The following CCN5 variants were observed in gnomAD, a reference collection of about 807,000 sequenced individuals.
The protein encoded by CCN5 is CCN family member 5.
Under a neutral mutation model 18.7 loss-of-function variants are expected in CCN5, and 17 were observed. That is an observed-to-expected ratio of 0.91 (90% CI 0.62 to 1.36). The LOEUF (loss-of-function observed/expected upper bound fraction) is 1.36, where lower values mean the gene tolerates loss of function less well. Among genes scored for constraint, CCN5 ranks in the 40% most tolerant of loss-of-function variants. CCN5 has a pLI of 0.00. For synonymous variants in CCN5, 135 were observed against 145.2 expected (o/e 0.93, Z 0.50); for missense variants, 367 against 342.9 (o/e 1.07, Z -0.56).
chr20:44,724,986 G>T lies in CCN5; in HGVS notation c.526G>T (p.Ala176Ser). 1 of 1,580,746 alleles carries T rather than the reference G, an allele frequency of 6.3e-7. No individual in the cohort carries two copies. The highest frequency in any genetic ancestry group is 8.6e-7 in the Non-Finnish European group (1 of 1,164,498). The change falls in exon 3 of 4, where the codon GCC becomes TCC. Residue 176 changes from alanine to serine, a missense_variant. Coordinates refer to ENST00000190983, the MANE Select transcript of CCN5 (RefSeq NM_003881.4). ...GGGLGTQPLP[A>S]QGPQFSGLVS... is the part of the protein sequence containing the mutation. Reference sequence around the variant, plus strand: ...GGGACTGGGGACCCAGCCCCTTCCAGCCCAAGGTGAGCGCAGCGGTGGTCC... The same window carrying T: ...GGGACTGGGGACCCAGCCCCTTCCATCCCAAGGTGAGCGCAGCGGTGGTCC...
Position 44,724,865 on chromosome 20 carries a change from C to T in CCN5, c.405C>T (p.Ser135=). The T allele has an allele frequency of 6.3e-7, 1 of 1,595,392 alleles. No homozygotes were observed. Among genetic ancestry groups the T allele is most frequent in the Non-Finnish European group, 8.5e-7 (1 of 1,172,122 alleles). ...GCTTCACCTGCGTGCCGCTGTGCAG[C>T]GAGGATGTGCGGCTGCCCAGCTGGG... ...DGGFTCVPLC[S]EDVRLPSWDC... is the part of the protein sequence containing the mutation. The change falls in exon 3 of 4, where the codon AGC becomes AGT. Residue 135 remains serine (S), a synonymous_variant. Coordinates refer to ENST00000190983, the MANE Select transcript of CCN5 (RefSeq NM_003881.4).
intron 2 of CCN5, among the ~76,000 whole-genome samples, chr20:44,723,360 C>G (rs371125550): frequency 6.7e-6 from 1 of 150,336 alleles, no homozygotes; most frequent in African/African-American, 2.4e-5. Flanking sequence ...ATGTGCCAGG[C>G]TTGGGGCAAA....
At position 44,727,169 on chromosome 20, in the gene CCN5, G is replaced by C; in HGVS notation, c.615G>C (p.Ser205=). 1 of 1,613,798 alleles carries C rather than the reference G, an allele frequency of 6.2e-7. No individual in the cohort carries two copies. The highest frequency in any genetic ancestry group is 8.5e-7 in the Non-Finnish European group (1 of 1,179,944). Residue 205 remains serine (S), a synonymous_variant, in exon 4 of 4, where the codon TCG becomes TCC. Coordinates refer to ENST00000190983, the MANE Select transcript of CCN5 (RefSeq NM_003881.4). Reference sequence around the variant, plus strand: ...GGAGCACGGCCTGGGGACCCTGCTCGACCACCTGTGGGCTGGGCATGGCCA... The same window carrying C: ...GGAGCACGGCCTGGGGACCCTGCTCCACCACCTGTGGGCTGGGCATGGCCA... ...PEWSTAWGPC[S]TTCGLGMATR...
At chr20:44,723,018 G>A (rs1217716475) in intron 2 of CCN5, among the ~76,000 whole-genome samples, 3 of 151,998 alleles carry the variant, frequency 2.0e-5, no homozygotes, top group African/African-American at 7.2e-5. Flanking sequence ...CAAGCCTTCT[G>A]GTGGCTTCCC....
At position 44,727,331 on chromosome 20, in the gene CCN5, G is replaced by T. The variant is rs544099366; in HGVS notation, c.*24G>T. ...AGAGCCGGGCTGGGAATGGGGACAC[G>T]GTGTCCACCATCCCCAGCTGGTGGC... On this transcript the variant is annotated 3_prime_UTR_variant, in exon 4 of 4. Transcript: ENST00000190983. 1.9e-6 allele frequency: 3 copies of T among 1,588,962 alleles called. No individual in the cohort carries two copies. The Admixed American group carries it at 5.2e-5, about 27-fold the overall frequency.
chr20:44,715,295 G>A (rs1217381202), upstream of CCN5: 28 of 1,146,108 alleles, frequency 2.4e-5, no homozygotes, highest in South Asian at 9.2e-5. Flanking sequence ...GTACTCGTGC[G>A]TGTGCCTGTG....
At position 44,727,230 on chromosome 20, in the gene CCN5, G is replaced by C. The variant is rs753776242; in HGVS notation, c.676G>C (p.Glu226Gln). 1.2e-6 allele frequency: 2 copies of C among 1,613,668 alleles called. No homozygotes were observed. Among genetic ancestry groups the C allele is most frequent in the Non-Finnish European group, 1.7e-6 (2 of 1,180,012 alleles). ...CAACCAGAACCGCTTCTGCCGACTG[G>C]AGACCCAGCGCCGCCTGTGCCTGTC... is the stretch of plus-strand genomic sequence containing the variant. ...VSNQNRFCRL[E>Q]TQRRLCLSRP... The change falls in exon 4 of 4, where the codon GAG (glutamate) becomes CAG (glutamine). Residue 226 changes from glutamate to glutamine, a missense_variant. Coordinates refer to ENST00000190983, the MANE Select transcript of CCN5 (RefSeq NM_003881.4).
Position 44,727,641 on chromosome 20 carries a change from G to A in CCN5, c.*334G>A. On this transcript the variant is annotated 3_prime_UTR_variant, in exon 4 of 4. Coordinates refer to ENST00000190983, the MANE Select transcript of CCN5 (RefSeq NM_003881.4). ...GCGAGCTTTCTCTCCGACTTCCCCT[G>A]GGCAAGAGATGGGACAAGCAGTCCC... is the stretch of plus-strand genomic sequence containing the variant. 1 of 795,042 alleles carries A rather than the reference G, an allele frequency of 1.3e-6. No homozygotes were observed. Among genetic ancestry groups the A allele is most frequent in the Non-Finnish European group, 1.7e-6 (1 of 586,842 alleles). 49.2% of individuals were successfully genotyped at this position (795,042 alleles called of 1,614,324 possible).
At chr20:44,718,705 C>G (rs1412471597) in intron 1 of CCN5, among the ~76,000 whole-genome samples, 1 of 152,094 alleles carries the variant, frequency 6.6e-6, no homozygotes, top group African/African-American at 2.4e-5. Flanking sequence ...GAAGCAGGAC[C>G]GGGGACGCTC....
At chr20:44,722,505 T>A (rs1194814328) in intron 2 of CCN5, among the ~76,000 whole-genome samples, 39 of 149,624 alleles carry the variant, frequency 2.6e-4, no homozygotes, top group African/African-American at 9.1e-4. Flanking sequence ...TCTCACTCTT[T>A]CACCCAGGCT....
At chr20:44,723,631 C>T (rs1349588987) in intron 2 of CCN5, 5 of 152,256 alleles carry the variant, frequency 3.3e-5, no homozygotes, top group Middle Eastern at 3.4e-3. Flanking sequence ...CTCACACACA[C>T]GCTGTTTCCC....
chr20:44,718,130 G>GT (rs1260364124), intron 1 of CCN5, among the ~76,000 whole-genome samples: 6 of 152,148 alleles, frequency 3.9e-5, no homozygotes, highest in African/African-American at 7.2e-5. Flanking sequence ...CTAGCTCCGT[G>GT]TGTCCATCTG....
chr20:44,721,374 T>C (rs1467332149), intron 2 of CCN5: 2 of 148,528 alleles, frequency 1.3e-5, no homozygotes, highest in Non-Finnish European at 3.0e-5. Flanking sequence ...TAGCCGGGTG[T>C]GGTGGCACAT....
intron 2 of CCN5, 114 bp from the exon 3 acceptor site, chr20:44,724,624 C>T: frequency 6.6e-7 from 1 of 1,507,712 alleles, no homozygotes; most frequent in Non-Finnish European, 8.9e-7. Context: ...GAGCCCTGGG[C>T]AGGGCCCAGC....
intron 2 of CCN5, chr20:44,721,247 C>T (rs2145414904): frequency 6.6e-6 from 1 of 151,572 alleles, no homozygotes; most frequent in African/African-American, 2.4e-5. Context: ...TGACTCATGC[C>T]TATAATCCTA....
In CCN5 at chr20:44,727,178, T is replaced by C. The variant is rs777300227; in HGVS notation, c.624T>C (p.Cys208=). 4.3e-6 allele frequency: 7 copies of C among 1,613,840 alleles called. No homozygotes were observed. In the African/African-American group the frequency reaches 6.7e-5, roughly 15 times the overall value. ...CCTGGGGACCCTGCTCGACCACCTGTGGGCTGGGCATGGCCACCCGGGTGT... is the reference window on the plus strand; with the variant it reads ...CCTGGGGACCCTGCTCGACCACCTGCGGGCTGGGCATGGCCACCCGGGTGT... ...STAWGPCSTT[C]GLGMATRVSN... Residue 208 remains cysteine, a synonymous_variant, in exon 4 of 4, where the codon TGT becomes TGC. Transcript: ENST00000190983.
Position 44,719,611 on chromosome 20 carries a change from C to T in CCN5, c.61-286C>T, listed in dbSNP as rs185964307. Among the ~76,000 whole-genome samples the T allele has an allele frequency of 2.0e-3, 312 of 152,216 alleles. 1 individual carries two copies. The highest frequency in any genetic ancestry group is 6.5e-3 in the African/African-American group (270 of 41,532). On this transcript the variant is annotated intron_variant, in intron 1 of 3. Coordinates refer to ENST00000190983, the MANE Select transcript of CCN5 (RefSeq NM_003881.4). ...GGAGGTTGAAGTGAGGCTGGGATCG[C>T]GCCACTGCACTCCAGCCTGGGCAAC... is the stretch of plus-strand genomic sequence containing the variant.
At position 44,725,028 on chromosome 20, in the gene CCN5, G is replaced by T. The variant is rs137997105; in HGVS notation, c.532+36G>T. On this transcript the variant is annotated intron_variant, in intron 3 of 3. Transcript: ENST00000190983. ...CGGTGGTCCAGGTCAGGGCAGGACT[G>T]CCTGGGGGCGCCAAGGGCCACCTAG... 875 of 1,483,134 alleles carry T rather than the reference G, an allele frequency of 5.9e-4. 4 individuals are homozygous for T. The African/African-American group carries it at 0.011, about 19-fold the overall frequency. 91.9% of individuals were successfully genotyped at this position (1,483,134 alleles called of 1,614,324 possible).
chr20:44,726,445 T>TGG (rs150470300), intron 3 of CCN5, among the ~76,000 whole-genome samples: 3 of 152,014 alleles, frequency 2.0e-5, no homozygotes, highest in African/African-American at 7.3e-5. Flanking sequence ...AATTATTTGT[T>TGG]GGGGGGGTTT....
Sources: allele counts gnomAD v4.1 joint callset (sites outside exome capture counted in the v4.1 genomes callset), GRCh38; gene constraint gnomAD v4.1.1; transcripts MANE v1.5; gene names NCBI Gene and HGNC (gene_info 2026-07-23, HGNC 2026-07-21).